Variants in CNTN6 observed in about 807,000 individuals in gnomAD.
CNTN6 encodes contactin 6, also known as contactin-6.
CNTN6 carries 137 observed loss-of-function variants against 122.8 expected under a neutral mutation model. That is an observed-to-expected ratio of 1.12 (90% confidence interval 0.97 to 1.29). The LOEUF (loss-of-function observed/expected upper bound fraction) is 1.29, where lower values mean the gene tolerates loss of function less well. Ranked by LOEUF, CNTN6 falls within the 50% of genes most tolerant of loss-of-function variation. The pLI, the probability that CNTN6 is intolerant of heterozygous loss-of-function variation, is 0.00. For synonymous variants in CNTN6, 570 were observed against 426.0 expected (o/e 1.34, Z -4.16); for missense variants, 1,634 against 1,223.4 (o/e 1.34, Z -5.01).
chr3:1,365,408 G>A (rs1231793191), intron 12 of CNTN6, among the ~76,000 whole-genome samples: 1 of 151,788 alleles, frequency 6.6e-6, no homozygotes, highest in African/African-American at 2.4e-5. Context: ...TCATAAATAT[G>A]TAAGCTTATA....
At chr3:1,290,833 A>G (rs1695201220) in intron 5 of CNTN6, among the ~76,000 whole-genome samples, 1 of 152,202 alleles carries the variant, frequency 6.6e-6, no homozygotes, top group African/African-American at 2.4e-5. Context: ...GAGGACAGCC[A>G]GAGGTCACTC....
intron 2 of CNTN6, among the ~76,000 whole-genome samples, chr3:1,157,837 T>C (rs888624130): frequency 5.3e-5 from 8 of 152,226 alleles, no homozygotes; most frequent in Non-Finnish European, 1.0e-4. Flanking sequence ...GGTTCTTTTT[T>C]ATGACTGAAT....
intron 2 of CNTN6, among the ~76,000 whole-genome samples, chr3:1,205,692 A>T (rs1169144973): frequency 6.6e-6 from 1 of 152,230 alleles, no homozygotes; most frequent in Non-Finnish European, 1.5e-5. Context: ...AACACATGAA[A>T]GATTTTCTTT....
At chr3:1,384,978 C>G (rs1483696676) in intron 19 of CNTN6, among the ~76,000 whole-genome samples, 1 of 151,754 alleles carries the variant, frequency 6.6e-6, no homozygotes, top group Non-Finnish European at 1.5e-5. Flanking sequence ...GAGCTCTACT[C>G]CCATCAATTC....
intron 4 of CNTN6, among the ~76,000 whole-genome samples, chr3:1,253,894 T>C (rs774684394): frequency 1.5e-4 from 23 of 152,182 alleles, no homozygotes; most frequent in Non-Finnish European, 2.4e-4. Context: ...TGTCTCTCTT[T>C]ATCCAAAACA....
At chr3:1,275,336 G>A (rs966608799) in intron 4 of CNTN6, among the ~76,000 whole-genome samples, 1 of 152,044 alleles carries the variant, frequency 6.6e-6, no homozygotes, top group Admixed American at 6.6e-5. Flanking sequence ...TCCACTTCTC[G>A]ATTCATATTG....
chr3:1,168,545 C>T (rs1050298386), intron 2 of CNTN6, among the ~76,000 whole-genome samples: 4 of 151,284 alleles, frequency 2.6e-5, no homozygotes, highest in Admixed American at 1.3e-4. Context: ...AGCTCTGAGA[C>T]GTATAGTCAC....
At chr3:1,122,473 TTGTAAAG>T (rs2125066117) in intron 1 of CNTN6, among the ~76,000 whole-genome samples, 1 of 149,868 alleles carries the variant, frequency 6.7e-6, no homozygotes, top group East Asian at 1.9e-4. Flanking sequence ...AAAGTAACCG[TTGTAAAG>T]TGGACAATTC....
At chr3:1,111,227 T>G (rs1248665841) in intron 1 of CNTN6, among the ~76,000 whole-genome samples, 1 of 152,160 alleles carries the variant, frequency 6.6e-6, no homozygotes, top group Non-Finnish European at 1.5e-5. Context: ...TGGGGCCATA[T>G]AGTGAACCCC....
chr3:1,382,991 T>G lies in CNTN6; in HGVS notation c.2216T>G (p.Met739Arg), dbSNP rs998437546. Residue 739 changes from methionine (M) to arginine (R), a missense_variant, in exon 18 of 23, where the codon ATG (methionine) becomes AGG (arginine). Met to Arg is a moderately conservative substitution (Grantham distance 91). Transcript: ENST00000446702. Reference sequence around the variant, plus strand: ...GGGGAGGGATTTGGATATATCATCATGTTCCGGCCAGTGGGCTCGACAACC... The same window carrying G: ...GGGGAGGGATTTGGATATATCATCAGGTTCCGGCCAGTGGGCTCGACAACC... Reference protein sequence around the residue: ...QNGEGFGYIIMFRPVGSTTWS... With the variant: ...QNGEGFGYIIRFRPVGSTTWS... 2 of 1,614,110 alleles carry G rather than the reference T, an allele frequency of 1.2e-6. No individual in the cohort carries two copies. The highest frequency in any genetic ancestry group is 1.7e-5 in the Admixed American group (1 of 60,004).
Position 1,383,853 on chromosome 3 carries a change from G to C in CNTN6, c.2517+445G>C, listed in dbSNP as rs143771195. On this transcript the variant is annotated intron_variant, in intron 19 of 22. Transcript: ENST00000446702. Reference sequence around the variant, plus strand: ...GTTATTCAGAAATTTCTAGAAAAAGGGTGGTAACCTCCAGGCCATTGCCAT... The same window carrying C: ...GTTATTCAGAAATTTCTAGAAAAAGCGTGGTAACCTCCAGGCCATTGCCAT... 2.6e-3 allele frequency among the ~76,000 whole-genome samples: 389 copies of C among 152,232 alleles called. 4 individuals carry two copies. Among genetic ancestry groups the C allele is most frequent in the East Asian group, 0.021 (108 of 5,160 alleles).
chr3:1,286,918 A>G (rs972718126), intron 5 of CNTN6, among the ~76,000 whole-genome samples: 1 of 152,230 alleles, frequency 6.6e-6, no homozygotes. Flanking sequence ...AGGGGTTGCA[A>G]TCCTAGTCAC....
chr3:1,258,032 C>G (rs373565210), intron 4 of CNTN6, among the ~76,000 whole-genome samples: 1 of 152,156 alleles, frequency 6.6e-6, no homozygotes, highest in Admixed American at 6.6e-5. Flanking sequence ...TTTGCCCCCT[C>G]TGCATTTCCT....
intron 3 of CNTN6, among the ~76,000 whole-genome samples, chr3:1,225,577 G>A (rs570422534): frequency 1.0e-3 from 155 of 152,228 alleles, no homozygotes; most frequent in African/African-American, 3.5e-3. Flanking sequence ...CTTTGAAAAC[G>A]ATAGGGAACA....
chr3:1,200,589 G>T (rs1361426357), intron 2 of CNTN6, among the ~76,000 whole-genome samples: 1 of 152,162 alleles, frequency 6.6e-6, no homozygotes, highest in Non-Finnish European at 1.5e-5. Context: ...CTAGCTCATA[G>T]CTCATAACTG....
intron 11 of CNTN6, among the ~76,000 whole-genome samples, chr3:1,339,090 A>G (rs1408124725): frequency 6.6e-6 from 1 of 152,008 alleles, no homozygotes; most frequent in African/African-American, 2.4e-5. Flanking sequence ...ACTGACTAGA[A>G]TTTTTCAATT....
At chr3:1,270,385 A>G (rs1394454829) in intron 4 of CNTN6, among the ~76,000 whole-genome samples, 3 of 152,244 alleles carry the variant, frequency 2.0e-5, no homozygotes, top group Non-Finnish European at 4.4e-5. Context: ...GAGATTCTTA[A>G]GAGTATTTTA....
chr3:1,284,506 C>T (rs986731754), intron 5 of CNTN6, among the ~76,000 whole-genome samples: 4 of 151,964 alleles, frequency 2.6e-5, no homozygotes, highest in Non-Finnish European at 5.9e-5. Context: ...CGATAATAAC[C>T]GTATTATTGA....
chr3:1,223,241 T>C (rs889288117), intron 3 of CNTN6, among the ~76,000 whole-genome samples: 5 of 152,204 alleles, frequency 3.3e-5, no homozygotes, highest in African/African-American at 1.2e-4. Flanking sequence ...AAAGTTATCA[T>C]TTCTAGTCAC....
Sources: gnomAD v4.1 joint callset for allele counts (sites outside exome capture counted in the v4.1 genomes callset) on GRCh38, gnomAD v4.1.1 for gene constraint, MANE v1.5 for transcripts, NCBI Gene and HGNC (gene_info 2026-07-23, HGNC 2026-07-21) for gene names.